MLLT3: variants seen among roughly 807,000 people sequenced by gnomAD.
The protein encoded by MLLT3 is MLLT3 super elongation complex subunit.
A neutral mutation model predicts 53.2 loss-of-function variants in MLLT3; 4 were observed. The ratio of observed to expected loss-of-function variants is 0.08; its 90% CI spans 0.04 to 0.17. MLLT3 has a LOEUF of 0.17. MLLT3 is among the 10% of genes least tolerant of loss of function. The probability of loss-of-function intolerance (pLI) is 1.00; values close to 1 mark genes in which losing one functional copy is unlikely to be tolerated. For synonymous variants in MLLT3, 283 were observed against 230.6 expected (o/e 1.23, Z -2.06); for missense variants, 569 against 684.0 (o/e 0.83, Z 1.87).
At chr9:20,574,799 A>C (rs1038481085) in intron 2 of MLLT3, among the ~76,000 whole-genome samples, 1 of 152,182 alleles carries the variant, frequency 6.6e-6, no homozygotes, top group East Asian at 1.9e-4. Flanking sequence ...TTCCTTTCAC[A>C]AAAGATTTCT....
intron 2 of MLLT3, among the ~76,000 whole-genome samples, chr9:20,540,496 T>C (rs1488179157): frequency 2.0e-5 from 3 of 152,234 alleles, no homozygotes; most frequent in African/African-American, 7.2e-5. Flanking sequence ...GAAGTCACCA[T>C]GGCTTGGGGC....
chr9:20,468,548 C>T (rs943097525), intron 2 of MLLT3, among the ~76,000 whole-genome samples: 1 of 152,140 alleles, frequency 6.6e-6, no homozygotes, highest in Non-Finnish European at 1.5e-5. Context: ...CTGCAATAAA[C>T]AAATGAGTAG....
intron 4 of MLLT3, among the ~76,000 whole-genome samples, chr9:20,439,495 A>G (rs1156627451): frequency 6.6e-6 from 1 of 151,944 alleles, no homozygotes; most frequent in Non-Finnish European, 1.5e-5. Flanking sequence ...TGAAGAGAAA[A>G]TTTCAAATTT....
intron 2 of MLLT3, among the ~76,000 whole-genome samples, chr9:20,497,307 A>G (rs188795395): frequency 5.3e-5 from 8 of 152,326 alleles, no homozygotes; most frequent in Admixed American, 5.2e-4. Flanking sequence ...GACATTAAAA[A>G]TCACATATTT....
intron 2 of MLLT3, among the ~76,000 whole-genome samples, chr9:20,613,708 T>C (rs976840452): frequency 7.2e-5 from 11 of 152,084 alleles, no homozygotes; most frequent in South Asian, 2.1e-4. Context: ...ATCATATAAA[T>C]GCAAACCAAA....
At chr9:20,520,562 T>C (rs1042717238) in intron 2 of MLLT3, among the ~76,000 whole-genome samples, 2 of 151,918 alleles carry the variant, frequency 1.3e-5, no homozygotes, top group African/African-American at 4.8e-5. Context: ...AAAAATAATG[T>C]GAAAAATAAT....
chr9:20,388,983 G>A (rs1411216787), intron 5 of MLLT3, among the ~76,000 whole-genome samples: 1 of 152,166 alleles, frequency 6.6e-6, no homozygotes, highest in Non-Finnish European at 1.5e-5. Context: ...AACTGCAAAT[G>A]CTGCAGTAGG....
At chr9:20,497,978 T>A (rs1417169722) in intron 2 of MLLT3, among the ~76,000 whole-genome samples, 1 of 151,912 alleles carries the variant, frequency 6.6e-6, no homozygotes, top group Non-Finnish European at 1.5e-5. Context: ...TGCCAACACT[T>A]TGGGACAGTG....
intron 7 of MLLT3, chr9:20,362,911 G>C (rs1487885608): frequency 1.3e-5 from 2 of 152,120 alleles, no homozygotes; most frequent in Non-Finnish European, 2.9e-5. Context: ...GCAATTTCAA[G>C]TTGAGTATTA....
intron 2 of MLLT3, among the ~76,000 whole-genome samples, chr9:20,573,846 T>A (rs1563824744): frequency 6.6e-6 from 1 of 152,218 alleles, no homozygotes; most frequent in Non-Finnish European, 1.5e-5. Flanking sequence ...CCCAAAACTA[T>A]AAATTTTTCC....
At position 20,365,661 on chromosome 9, in the gene MLLT3, G is replaced by A. The variant is rs1224379916; in HGVS notation, c.1201+8C>T. 6.2e-7 allele frequency: 1 copy of A among 1,614,222 alleles called. No individual in the cohort carries two copies. Among genetic ancestry groups the A allele is most frequent in the Non-Finnish European group, 8.5e-7 (1 of 1,180,032 alleles). On this transcript the variant is annotated splice_region_variant and intron_variant, in intron 6 of 10. Transcript: ENST00000380338. ...AAGCATCTCCTAGTTTGCATGAGAT[G>A]TTGATACCTTGTTGCCTGGTCTGGG... is the stretch of plus-strand genomic sequence containing the variant.
At chr9:20,589,642 A>C (rs1820075866) in intron 2 of MLLT3, among the ~76,000 whole-genome samples, 1 of 151,198 alleles carries the variant, frequency 6.6e-6, no homozygotes, top group African/African-American at 2.4e-5. Flanking sequence ...TGAGGTATTC[A>C]AAAACTTTGT....
intron 2 of MLLT3, among the ~76,000 whole-genome samples, chr9:20,499,924 T>C (rs948808680): frequency 2.0e-5 from 3 of 152,080 alleles, no homozygotes; most frequent in Non-Finnish European, 2.9e-5. Context: ...GGGGAACAGG[T>C]GTTAATGCAG....
chr9:20,621,751 A>G lies in MLLT3; in HGVS notation c.12+494T>C. 1 of 1,488,208 alleles carries G rather than the reference A, an allele frequency of 6.7e-7. No homozygotes were observed. The highest frequency in any genetic ancestry group is 2.0e-4 in the Middle Eastern group (1 of 4,968). The allele number at this position is 1,488,208 out of a possible 1,614,324, so 92.2% of individuals were successfully genotyped here. A position where few individuals can be genotyped will look rare whatever the true frequency, so the allele number is the denominator to read the frequency against. On this transcript the variant is annotated intron_variant, in intron 1 of 10. Transcript: ENST00000380338. This position sits in a 1 kb window ranked among gnomAD's most constrained non-coding sequence, Gnocchi z 7.0. ...CAGCCCCGCACACTTCGGCTCACAC[A>G]CGCGCGCCGCGGAGAACGCACCATC...
intron 2 of MLLT3, among the ~76,000 whole-genome samples, chr9:20,498,644 A>AT (rs753215523): frequency 1.1e-4 from 17 of 152,032 alleles, no homozygotes; most frequent in East Asian, 5.8e-4. Context: ...TGTGATTTGT[A>AT]TTTTTTTTAG....
chr9:20,593,045 C>A (rs1216041805), intron 2 of MLLT3, among the ~76,000 whole-genome samples: 1 of 152,084 alleles, frequency 6.6e-6, no homozygotes, highest in Non-Finnish European at 1.5e-5. Flanking sequence ...GATGACCATG[C>A]CCAGAACTTA....
chr9:20,408,030 T>C (rs1454372381), intron 5 of MLLT3, among the ~76,000 whole-genome samples: 1 of 152,238 alleles, frequency 6.6e-6, no homozygotes, highest in Non-Finnish European at 1.5e-5. Context: ...ATAGGTGATG[T>C]AGCTCTCTTA....
At chr9:20,539,943 G>A (rs1179539250) in intron 2 of MLLT3, among the ~76,000 whole-genome samples, 1 of 152,170 alleles carries the variant, frequency 6.6e-6, no homozygotes, top group Non-Finnish European at 1.5e-5. Flanking sequence ...AGATACAATG[G>A]AGGTACAGGC....
chr9:20,538,237 A>C (rs916883993), intron 2 of MLLT3, among the ~76,000 whole-genome samples: 1 of 152,250 alleles, frequency 6.6e-6, no homozygotes, highest in East Asian at 1.9e-4. Flanking sequence ...ATGAGTGCCA[A>C]GCACTGTGTT....
Sources: allele counts gnomAD v4.1 joint callset (sites outside exome capture counted in the v4.1 genomes callset), GRCh38; gene constraint gnomAD v4.1.1; non-coding constraint Gnocchi (gnomAD v3.1); transcripts MANE v1.5; gene names NCBI Gene and HGNC (gene_info 2026-07-23, HGNC 2026-07-21).